Variants in CAMTA1 observed in about 807,000 individuals in gnomAD.
CAMTA1 encodes the protein calmodulin-binding transcription activator 1.
In CAMTA1, 27 loss-of-function variants were observed where a neutral mutation model predicts 170.9. That is an observed-to-expected ratio of 0.16 (90% CI 0.12 to 0.22). The LOEUF is 0.22. CAMTA1 is among the 10% of genes least tolerant of loss of function. CAMTA1 has a pLI of 1.00. For missense variants in CAMTA1, 1,619 were observed against 2,217.2 expected, an observed-to-expected ratio of 0.73 and a Z score of 5.42; for synonymous variants, 833 against 891.5, an observed-to-expected ratio of 0.93 and a Z score of 1.17.
In CAMTA1 at chr1:7,456,135, G is replaced by C. The variant is rs1003744216; in HGVS notation, c.439-11695G>C. ...GGCAGACCTGGTGAAGGGTGAGGGG[G>C]TACCCATAACAGAGGGATGGAGGAA... On this transcript the variant is annotated intron_variant, in intron 5 of 22. Coordinates refer to ENST00000303635, the MANE Select transcript of CAMTA1 (RefSeq NM_015215.4). This position sits in a 1 kb window ranked among gnomAD's most constrained non-coding sequence, Gnocchi z 4.9. Among the ~76,000 whole-genome samples, 3 of 150,328 alleles carry C rather than the reference G, an allele frequency of 2.0e-5. No individual in the cohort carries two copies. The highest frequency in any genetic ancestry group is 4.4e-5 in the Non-Finnish European group (3 of 67,556).
chr1:7,275,527 A>G (rs1670463655), intron 5 of CAMTA1, among the ~76,000 whole-genome samples: 1 of 152,142 alleles, frequency 6.6e-6, no homozygotes, highest in Admixed American at 6.5e-5. Flanking sequence ...AGCTTGATTA[A>G]GAAACAGAGA....
chr1:7,188,268 C>T (rs1462966227), intron 4 of CAMTA1, among the ~76,000 whole-genome samples: 1 of 152,156 alleles, frequency 6.6e-6, no homozygotes, highest in Non-Finnish European at 1.5e-5. Flanking sequence ...CATATCAGGG[C>T]CCAAACAAAC....
At chr1:7,317,583 G>C (rs1030641377) in intron 5 of CAMTA1, among the ~76,000 whole-genome samples, 1 of 152,204 alleles carries the variant, frequency 6.6e-6, no homozygotes, top group African/African-American at 2.4e-5. Context: ...ATGACTCTTT[G>C]TCGGTGCTCT....
At chr1:7,262,038 A>G (rs1668255265) in intron 5 of CAMTA1, among the ~76,000 whole-genome samples, 1 of 152,206 alleles carries the variant, frequency 6.6e-6, no homozygotes. Context: ...TCACACTGGT[A>G]TTTTACTTAA....
rs528554671 is a variant in CAMTA1, at chr1:6,910,435, G to A, written c.234+85225G>A. Among the ~76,000 whole-genome samples, 10 of 152,354 alleles carry A rather than the reference G, an allele frequency of 6.6e-5. No homozygotes were observed. In the East Asian group the frequency reaches 1.2e-3, roughly 18 times the overall value. On this transcript the variant is annotated intron_variant, in intron 3 of 22. Transcript: ENST00000303635. ...AACTTCTTTTTAGCCAGGCTGGAAC[G>A]TAACTTTGCAGGGTTCATTCCCTCT...
At chr1:7,345,888 G>A (rs2084185084) in intron 5 of CAMTA1, among the ~76,000 whole-genome samples, 1 of 152,226 alleles carries the variant, frequency 6.6e-6, no homozygotes, top group African/African-American at 2.4e-5. Context: ...TACAGCAGGA[G>A]GGAGAGCTCC....
chr1:6,952,206 G>A (rs367656857), intron 3 of CAMTA1, among the ~76,000 whole-genome samples: 5 of 151,916 alleles, frequency 3.3e-5, no homozygotes, highest in African/African-American at 1.2e-4. Context: ...TGAGGCGGGC[G>A]GATCACGAGG....
intron 5 of CAMTA1, among the ~76,000 whole-genome samples, chr1:7,360,089 CTG>C (rs1191347203): frequency 6.6e-6 from 1 of 152,078 alleles, no homozygotes; most frequent in Non-Finnish European, 1.5e-5. Flanking sequence ...GGCATTCTCC[CTG>C]TGTGTGTGTC....
chr1:7,409,216 A>G (rs1187082539), intron 5 of CAMTA1, among the ~76,000 whole-genome samples: 2 of 152,200 alleles, frequency 1.3e-5, no homozygotes, highest in East Asian at 3.9e-4. Flanking sequence ...CTACTAGACA[A>G]TCCCAGATGG....
chr1:7,652,375 CCCGTGG>C (rs2095853717), intron 7 of CAMTA1, among the ~76,000 whole-genome samples: 1 of 152,056 alleles, frequency 6.6e-6, no homozygotes, highest in South Asian at 2.1e-4. Context: ...CCCAGTTCCT[CCCGTGG>C]GAGGCTCAAG....
chr1:7,648,505 G>C lies in CAMTA1; in HGVS notation c.664+7952G>C, dbSNP rs1301665014. On this transcript the variant is annotated intron_variant, in intron 7 of 22. Coordinates refer to ENST00000303635, the MANE Select transcript of CAMTA1 (RefSeq NM_015215.4). ...GGGGATCAGCCCCGGGTGGGAGAGA[G>C]AGGGGGTGTTGTTAGAGGGACTCTT... 3.3e-5 allele frequency among the ~76,000 whole-genome samples: 5 copies of C among 152,170 alleles called. No individual in the cohort carries two copies. The East Asian group carries it at 7.7e-4, about 23-fold the overall frequency.
chr1:7,760,457 TCA>T (rs1192181567), intron 22 of CAMTA1, among the ~76,000 whole-genome samples: 1 of 152,250 alleles, frequency 6.6e-6, no homozygotes, highest in African/African-American at 2.4e-5. Context: ...AAATGTGTTC[TCA>T]CACTTCCGTA....
chr1:7,716,123 TCTG>T, intron 11 of CAMTA1, among the ~76,000 whole-genome samples: 1 of 152,234 alleles, frequency 6.6e-6, no homozygotes, highest in African/African-American at 2.4e-5. Context: ...GCCTCCACCT[TCTG>T]GGCTCACGTG....
At chr1:7,332,382 C>T (rs967734898) in intron 5 of CAMTA1, among the ~76,000 whole-genome samples, 1 of 152,212 alleles carries the variant, frequency 6.6e-6, no homozygotes, top group African/African-American at 2.4e-5. Flanking sequence ...TGTGGGATTT[C>T]TCTGACTAAT....
At chr1:7,637,060 C>T (rs2148905227) in intron 6 of CAMTA1, among the ~76,000 whole-genome samples, 1 of 152,364 alleles carries the variant, frequency 6.6e-6, no homozygotes, top group Non-Finnish European at 1.5e-5. Flanking sequence ...CAGATGGAGG[C>T]TGAGGCCTGC....
At chr1:7,212,583 C>G (rs1266617207) in intron 4 of CAMTA1, among the ~76,000 whole-genome samples, 1 of 152,166 alleles carries the variant, frequency 6.6e-6, no homozygotes, top group East Asian at 1.9e-4. Context: ...GTTGTAAGAA[C>G]TAATACAGAG....
At chr1:6,790,375 A>AGTGTGT (rs370868840) in intron 1 of CAMTA1, among the ~76,000 whole-genome samples, 4,186 of 139,078 alleles carry the variant, frequency 0.03, 77 homozygotes, top group Middle Eastern at 0.043. Flanking sequence ...AGAGAGAGAG[A>AGTGTGT]GTGTGTGTGT....
intron 5 of CAMTA1, among the ~76,000 whole-genome samples, chr1:7,439,170 G>A (rs937661502): frequency 6.6e-6 from 1 of 152,156 alleles, no homozygotes. Flanking sequence ...GCGGTCCTGG[G>A]TCGGGCCCGC....
chr1:7,125,301 T>TTCAC (rs1159807750), intron 4 of CAMTA1, among the ~76,000 whole-genome samples: 2 of 152,144 alleles, frequency 1.3e-5, no homozygotes, highest in Non-Finnish European at 2.9e-5. Flanking sequence ...CATTCATTCA[T>TTCAC]TCACTCACTC....
Sources: gnomAD v4.1 joint callset for allele counts (sites outside exome capture counted in the v4.1 genomes callset) on GRCh38, gnomAD v4.1.1 for gene constraint, Gnocchi (gnomAD v3.1) non-coding constraint, MANE v1.5 for transcripts, NCBI Gene and HGNC (gene_info 2026-07-23, HGNC 2026-07-21) for gene names.